The following PLEK variants were observed in gnomAD, a reference collection of about 807,000 sequenced individuals.
PLEK encodes pleckstrin, also known as platelet 47 kDa protein.
A neutral mutation model predicts 43.9 loss-of-function variants in PLEK; 25 were observed. The ratio of observed to expected loss-of-function variants is 0.57; its 90% CI spans 0.41 to 0.79. The LOEUF is 0.79. Ranked by LOEUF, PLEK falls within the 30% of genes least tolerant of loss-of-function variation. The pLI is 0.00. For synonymous variants in PLEK, 152 were observed against 144.4 expected, an observed-to-expected ratio of 1.05 and a Z score of -0.38; for missense variants, 396 against 413.3, an observed-to-expected ratio of 0.96 and a Z score of 0.36.
chr2:68,380,978 C>A, intron 3 of PLEK, 74 bp downstream of exon 3: 2 of 1,303,090 alleles, frequency 1.5e-6, no homozygotes, highest in Non-Finnish European at 2.2e-6. Context: ...TGCTCCAAGG[C>A]TTGCTTTGAC....
rs1354445829 is a variant in PLEK, at chr2:68,386,403, G to C, written c.473-99G>C. ...TGAAATAACAGGGGAGACGAGACAA[G>C]TCAGACCTGTGGGTGAGCTGGAGTC... On this transcript the variant is annotated intron_variant, in intron 4 of 8. Transcript: ENST00000234313. 7 of 851,334 alleles carry C rather than the reference G, an allele frequency of 8.2e-6. No homozygotes were observed. In the South Asian group the frequency reaches 1.2e-4, roughly 15 times the overall value. The allele number at this position is 851,334 out of a possible 1,614,324, so 52.7% of individuals were successfully genotyped here. A position where few individuals can be genotyped will look rare whatever the true frequency, so the allele number is the denominator to read the frequency against.
intron 6 of PLEK, among the ~76,000 whole-genome samples, chr2:68,389,184 A>G (rs966170108): frequency 6.6e-6 from 1 of 152,238 alleles, no homozygotes; most frequent in African/African-American, 2.4e-5. Context: ...AGGGGCCAAG[A>G]TGACTGAGGA....
At chr2:68,384,179 TTCTCCTTCTCCTTCTCCTTCTCC>T (rs1335466038) in intron 4 of PLEK, among the ~76,000 whole-genome samples, 1 of 50,588 alleles carries the variant, frequency 2.0e-5, no homozygotes, top group Non-Finnish European at 4.5e-5. Context: ...CTCCTTCTCC[TTCTCCTTCTCCTTCTCCTTCTCC>T]TCCTTCTTCC....
intron 4 of PLEK, among the ~76,000 whole-genome samples, chr2:68,383,642 T>C (rs1386024017): frequency 6.6e-6 from 1 of 151,990 alleles, no homozygotes; most frequent in African/African-American, 2.4e-5. Context: ...GGGCTGACGG[T>C]TCATCAGGGG....
intron 4 of PLEK, 47 bp downstream of exon 4, chr2:68,382,680 T>C (rs1389332692): frequency 9.3e-7 from 1 of 1,079,418 alleles, no homozygotes; most frequent in South Asian, 1.3e-5. Flanking sequence ...GAAGGCGATA[T>C]GGAGTCCTCC....
chr2:68,368,808 G>A (rs1457880874), intron 1 of PLEK, among the ~76,000 whole-genome samples: 1 of 152,234 alleles, frequency 6.6e-6, no homozygotes, highest in Non-Finnish European at 1.5e-5. Context: ...GCAAGCTGTT[G>A]TTTCCAGGAC....
At chr2:68,376,913 C>A (rs886929827) in intron 1 of PLEK, among the ~76,000 whole-genome samples, 2 of 152,148 alleles carry the variant, frequency 1.3e-5, no homozygotes, top group Non-Finnish European at 2.9e-5. Flanking sequence ...CACCTCCCTG[C>A]AGTCCCCCAC....
At chr2:68,376,054 C>T (rs1480735852) in intron 1 of PLEK, among the ~76,000 whole-genome samples, 1 of 152,122 alleles carries the variant, frequency 6.6e-6, no homozygotes, top group Non-Finnish European at 1.5e-5. Context: ...TTTTGACATT[C>T]ATATTCAGAT....
At chr2:68,378,523 C>T (rs1558497767) in intron 1 of PLEK, among the ~76,000 whole-genome samples, 1 of 152,132 alleles carries the variant, frequency 6.6e-6, no homozygotes, top group Admixed American at 6.6e-5. Context: ...TTCATTACTC[C>T]ACATGGCAAC....
chr2:68,380,354 CATGTGGGTTG>C lies in PLEK; in HGVS notation c.70_79del (p.Met24TyrfsTer3). 1 of 1,613,622 alleles carries C rather than the reference CATGTGGGTTG, an allele frequency of 6.2e-7. No homozygotes were observed. Among genetic ancestry groups the C allele is most frequent in the Non-Finnish European group, 8.5e-7 (1 of 1,179,636 alleles). On this transcript the variant is annotated frameshift_variant, in exon 2 of 9. Transcript: ENST00000234313. LOFTEE classifies it high-confidence loss of function. ...GGAGCGTGTTCAATACGTGGAAACCCATGTGGGTTGTATTGTTAGAAGATGGAATTGAATT... is the reference window on the plus strand; with the variant it reads ...GGAGCGTGTTCAATACGTGGAAACCCTATTGTTAGAAGATGGAATTGAATT...
chr2:68,394,365 A>G (rs1334705666), intron 8 of PLEK, among the ~76,000 whole-genome samples, 189 bp downstream of exon 8: 2 of 152,188 alleles, frequency 1.3e-5, no homozygotes, highest in African/African-American at 4.8e-5. Flanking sequence ...TGTGATCAGG[A>G]TTTCGAGACC....
In PLEK at chr2:68,389,536, G is replaced by T. The variant is rs112848132; in HGVS notation, c.762+1045G>T. Among the ~76,000 whole-genome samples, 1,123 of 152,310 alleles carry T rather than the reference G, an allele frequency of 7.4e-3. 6 individuals carry two copies. The highest frequency in any genetic ancestry group is 0.012 in the Non-Finnish European group (786 of 68,018). ...AAGAGCCCATATTTACATTTATAAA[G>T]AGGGACTCTGGGCTGGGATAGCTGA... On this transcript the variant is annotated intron_variant, in intron 6 of 8. Coordinates refer to ENST00000234313, the MANE Select transcript of PLEK (RefSeq NM_002664.3).
Position 68,393,182 on chromosome 2 carries a change from G to A in PLEK, c.783G>A (p.Trp261Ter), listed in dbSNP as rs1673894114. 1.9e-6 allele frequency: 3 copies of A among 1,612,190 alleles called. No homozygotes were observed. The highest frequency in any genetic ancestry group is 2.5e-6 in the Non-Finnish European group (3 of 1,178,372). Reference sequence around the variant, plus strand: ...TACAGGGGCATAGAAGGAAAAACTGGAAAGTGAGGAAGTTCATCTTGAGAG... The same window carrying A: ...TACAGGGGCATAGAAGGAAAAACTGAAAAGTGAGGAAGTTCATCTTGAGAG... ...LLKQGHRRKNWKVRKFILRED... is the reference protein window; with the variant it reads ...LLKQGHRRKN The change falls in exon 7 of 9, where the codon TGG becomes TGA. Residue 261 changes from tryptophan to a stop codon, truncating the protein, a stop_gained. Coordinates refer to ENST00000234313, the MANE Select transcript of PLEK (RefSeq NM_002664.3). LOFTEE classifies it high-confidence loss of function.
At chr2:68,383,860 G>T (rs1007348035) in intron 4 of PLEK, among the ~76,000 whole-genome samples, 1 of 152,166 alleles carries the variant, frequency 6.6e-6, no homozygotes, top group African/African-American at 2.4e-5. Context: ...GATCACTGAC[G>T]ATGAGATAGT....
chr2:68,393,631 G>T (rs1270680609), intron 7 of PLEK, among the ~76,000 whole-genome samples: 1 of 152,184 alleles, frequency 6.6e-6, no homozygotes. Flanking sequence ...AATTTGGGCT[G>T]TTGATTGTCG....
intron 1 of PLEK, among the ~76,000 whole-genome samples, chr2:68,371,639 G>A (rs555731346): frequency 1.3e-5 from 2 of 152,228 alleles, no homozygotes; most frequent in Non-Finnish European, 2.9e-5. Flanking sequence ...CTTTCTCAAG[G>A]CCACATTACT....
chr2:68,391,751 T>A (rs1385241505), intron 6 of PLEK, among the ~76,000 whole-genome samples: 1 of 152,258 alleles, frequency 6.6e-6, no homozygotes, highest in East Asian at 1.9e-4. Context: ...TATACATGCT[T>A]GCCAATATGT....
intron 1 of PLEK, among the ~76,000 whole-genome samples, chr2:68,370,726 TC>T (rs1673384453): frequency 6.6e-6 from 1 of 152,170 alleles, no homozygotes; most frequent in Non-Finnish European, 1.5e-5. Context: ...CCTCAAGTGA[TC>T]CACCCGCCTT....
At position 68,394,141 on chromosome 2, in the gene PLEK, G is replaced by A. The variant is rs756165973; in HGVS notation, c.881G>A (p.Gly294Asp). The part of the protein sequence containing the change: ...EDPLGAIHLR[G>D]CVVTSVESNS... ...CCCCTGGGAGCAATTCACTTGAGAG[G>A]CTGTGTGGTGACTTCAGTGGAGAGC... The change falls in exon 8 of 9, where the codon GGC becomes GAC. Residue 294 changes from glycine to aspartate, a missense_variant. Coordinates refer to ENST00000234313, the MANE Select transcript of PLEK (RefSeq NM_002664.3). 1 of 1,610,838 alleles carries A rather than the reference G, an allele frequency of 6.2e-7. No individual in the cohort carries two copies. The highest frequency in any genetic ancestry group is 8.5e-7 in the Non-Finnish European group (1 of 1,177,096).
Sources: gnomAD v4.1 joint callset for allele counts (sites outside exome capture counted in the v4.1 genomes callset) on GRCh38, gnomAD v4.1.1 for gene constraint, MANE v1.5 for transcripts, NCBI Gene and HGNC (gene_info 2026-07-23, HGNC 2026-07-21) for gene names.